Variants in USP25 observed in about 807,000 individuals in gnomAD.
USP25 encodes the protein ubiquitin carboxyl-terminal hydrolase 25.
A neutral mutation model predicts 158.5 loss-of-function variants in USP25; 85 were observed. The observed-to-expected ratio is 0.54, with a 90% CI of 0.45 to 0.64. The LOEUF is 0.64. Among genes scored for constraint, USP25 ranks in the 30% least tolerant of loss-of-function variants. The probability of loss-of-function intolerance (pLI) is 0.00; values close to 1 mark genes in which losing one functional copy is unlikely to be tolerated. For missense variants in USP25, 1,242 were observed against 1,327.3 expected (o/e 0.94, Z 1.00); for synonymous variants, 464 against 460.4 (o/e 1.01, Z -0.10).
intron 20 of USP25, among the ~76,000 whole-genome samples, chr21:15,851,153 T>A (rs569407223): frequency 6.6e-6 from 1 of 152,044 alleles, no homozygotes; most frequent in South Asian, 2.1e-4. Context: ...TCTAAAGTAT[T>A]TATTTCTTGT....
intron 16 of USP25, among the ~76,000 whole-genome samples, chr21:15,832,628 T>A (rs2037858600): frequency 6.6e-6 from 1 of 152,232 alleles, no homozygotes; most frequent in Admixed American, 6.5e-5. Context: ...ATGAGTTGTT[T>A]ACATTTTGTG....
At chr21:15,798,025 G>A (rs539504985) in intron 5 of USP25, among the ~76,000 whole-genome samples, 14 of 151,160 alleles carry the variant, frequency 9.3e-5, no homozygotes, top group Admixed American at 2.0e-4. Flanking sequence ...TGTGGTTTCC[G>A]GTATTCAGAG....
intron 1 of USP25, among the ~76,000 whole-genome samples, chr21:15,743,557 A>G (rs1245228582): frequency 2.0e-5 from 3 of 152,196 alleles, no homozygotes; most frequent in African/African-American, 7.2e-5. Context: ...GGCTGGAGGT[A>G]GCCTTGGAAA....
chr21:15,858,240 A>G (rs756969648), intron 20 of USP25, among the ~76,000 whole-genome samples: 6 of 152,030 alleles, frequency 3.9e-5, no homozygotes, highest in Non-Finnish European at 7.4e-5. Context: ...TCCTTTTAGA[A>G]TTGTATTTAT....
At chr21:15,811,474 A>G (rs2036658998) in intron 9 of USP25, among the ~76,000 whole-genome samples, 2 of 152,168 alleles carry the variant, frequency 1.3e-5, no homozygotes, top group Admixed American at 6.5e-5. Flanking sequence ...CCATGATACA[A>G]TTATGTTGGA....
At chr21:15,810,416 G>A (rs936260494) in intron 8 of USP25, among the ~76,000 whole-genome samples, 14 of 152,020 alleles carry the variant, frequency 9.2e-5, no homozygotes, top group African/African-American at 2.7e-4. Context: ...TGGATACAAC[G>A]CATTTCTATA....
intron 23 of USP25, among the ~76,000 whole-genome samples, chr21:15,871,672 A>AT (rs541267638): frequency 1.0e-3 from 152 of 152,342 alleles, no homozygotes; most frequent in African/African-American, 3.5e-3. Flanking sequence ...CATTAAAGGA[A>AT]TTTGAGATAT....
At chr21:15,799,904 T>C in intron 6 of USP25, 61 bp downstream of exon 6, 5 of 1,148,612 alleles carry the variant, frequency 4.4e-6, no homozygotes, top group Non-Finnish European at 5.9e-6. Context: ...TTATATGTGA[T>C]TGATTTTTGG....
At chr21:15,743,131 G>A (rs191063229) in intron 1 of USP25, among the ~76,000 whole-genome samples, 3 of 152,280 alleles carry the variant, frequency 2.0e-5, no homozygotes, top group East Asian at 1.9e-4. Flanking sequence ...TTCCTGCTGC[G>A]CATGGCTTTG....
chr21:15,798,383 A>G (rs1171210328), intron 5 of USP25, among the ~76,000 whole-genome samples: 1 of 150,868 alleles, frequency 6.6e-6, no homozygotes, highest in Admixed American at 6.6e-5. Flanking sequence ...TGTTTTCTCC[A>G]CTCGTTTTTC....
chr21:15,856,669 C>CA, intron 20 of USP25, among the ~76,000 whole-genome samples: 1 of 152,276 alleles, frequency 6.6e-6, no homozygotes, highest in South Asian at 2.1e-4. Context: ...GACAGGGTTT[C>CA]ACCGTGTTAG....
At chr21:15,802,965 G>C (rs550359473) in intron 6 of USP25, among the ~76,000 whole-genome samples, 3 of 151,536 alleles carry the variant, frequency 2.0e-5, no homozygotes, top group African/African-American at 7.3e-5. Context: ...AGTGAAAAAG[G>C]GAAACATCAC....
intron 23 of USP25, among the ~76,000 whole-genome samples, chr21:15,871,286 C>T (rs186306881): frequency 4.8e-4 from 73 of 152,198 alleles, no homozygotes; most frequent in African/African-American, 1.6e-3. Flanking sequence ...TTGATCAATA[C>T]CTCCAATTTA....
Position 15,878,747 on chromosome 21 carries a change from G to T in USP25, c.*272G>T, listed in dbSNP as rs2040195041. The T allele has an allele frequency of 3.1e-6, 1 of 323,716 alleles. No homozygotes were observed. Among genetic ancestry groups the T allele is most frequent in the East Asian group, 5.8e-5 (1 of 17,326 alleles). 20.1% of individuals were successfully genotyped at this position (323,716 alleles called of 1,614,324 possible). A position where few individuals can be genotyped will look rare whatever the true frequency, so the allele number is the denominator to read the frequency against. On this transcript the variant is annotated 3_prime_UTR_variant, in exon 26 of 26. Coordinates refer to ENST00000400183, the MANE Select transcript of USP25 (RefSeq NM_001283041.3). Reference sequence around the variant, plus strand: ...AAAACTATGCTTTTGCCACCTTCCTGTTGCAGTATTACTTTGCTTTTATCT... The same window carrying T: ...AAAACTATGCTTTTGCCACCTTCCTTTTGCAGTATTACTTTGCTTTTATCT...
chr21:15,799,283 C>T (rs1303706073), intron 5 of USP25, among the ~76,000 whole-genome samples: 3 of 151,180 alleles, frequency 2.0e-5, no homozygotes, highest in Non-Finnish European at 3.0e-5. Context: ...TGTCTGTCTC[C>T]TTTCTAAATT....
In USP25 at chr21:15,766,289, C is replaced by A; in HGVS notation, c.268+148C>A. The A allele has an allele frequency of 3.5e-6, 2 of 577,830 alleles. No homozygotes were observed. The highest frequency in any genetic ancestry group is 5.3e-6 in the Non-Finnish European group (2 of 376,208). 35.8% of individuals were successfully genotyped at this position (577,830 alleles called of 1,614,324 possible). A position where few individuals can be genotyped will look rare whatever the true frequency, so the allele number is the denominator to read the frequency against. The stretch of plus-strand genomic sequence containing the variant: ...TTCTTTTTAATGTAGTTGAAAGGAA[C>A]ATACATTATCTTTTTCAGATTATAA... On this transcript the variant is annotated intron_variant, in intron 3 of 25. Coordinates refer to ENST00000400183, the MANE Select transcript of USP25 (RefSeq NM_001283041.3). The surrounding 1 kb of genome is among the most constrained non-coding windows in gnomAD (Gnocchi z 4.0).
intron 3 of USP25, among the ~76,000 whole-genome samples, chr21:15,771,738 TGC>T (rs1401824948): frequency 1.3e-5 from 2 of 152,104 alleles, no homozygotes; most frequent in African/African-American, 4.8e-5. Context: ...CCATTTGGTT[TGC>T]AGATCTGTCA....
chr21:15,807,252 C>G (rs1467200709), intron 7 of USP25, among the ~76,000 whole-genome samples: 1 of 152,148 alleles, frequency 6.6e-6, no homozygotes, highest in African/African-American at 2.4e-5. Flanking sequence ...CAATTTTAAT[C>G]ATACCTTTAA....
chr21:15,824,303 G>A, intron 11 of USP25, 137 bp downstream of exon 11: 2 of 976,822 alleles, frequency 2.0e-6, no homozygotes, highest in East Asian at 3.0e-5. Context: ...CATTTGTCAA[G>A]GTAGATGAAA....
Sources: allele counts gnomAD v4.1 joint callset (sites outside exome capture counted in the v4.1 genomes callset), GRCh38; gene constraint gnomAD v4.1.1; non-coding constraint Gnocchi (gnomAD v3.1); transcripts MANE v1.5; gene names NCBI Gene and HGNC (gene_info 2026-07-23, HGNC 2026-07-21).